The following UNC5D variants were observed in gnomAD, a reference collection of about 807,000 sequenced individuals.
UNC5D encodes the protein netrin receptor UNC5D.
UNC5D carries 39 observed loss-of-function variants against 105.4 expected under a neutral mutation model. The observed-to-expected ratio is 0.37, with a 90% confidence interval of 0.29 to 0.48. The LOEUF (loss-of-function observed/expected upper bound fraction) is 0.48. Ranked by LOEUF, UNC5D falls within the 20% of genes least tolerant of loss-of-function variation. UNC5D has a pLI of 0.98. For missense variants in UNC5D, 991 were observed against 1,202.4 expected, an observed-to-expected ratio of 0.82 and a Z score of 2.60; for synonymous variants, 452 against 450.4, an observed-to-expected ratio of 1.00 and a Z score of -0.04.
chr8:35,364,215 AT>A (rs751581344), intron 1 of UNC5D, among the ~76,000 whole-genome samples: 9 of 151,756 alleles, frequency 5.9e-5, no homozygotes, highest in Admixed American at 1.3e-4. Context: ...TTCTTTCTAT[AT>A]TTGTCACTTG....
intron 1 of UNC5D, among the ~76,000 whole-genome samples, chr8:35,335,857 G>A (rs995454283): frequency 7.4e-4 from 102 of 138,618 alleles, no homozygotes; most frequent in African/African-American, 2.6e-3. Context: ...TCCGCCTCCC[G>A]GGTTCATGCC....
At chr8:35,344,679 G>A (rs749307755) in intron 1 of UNC5D, among the ~76,000 whole-genome samples, 9 of 152,082 alleles carry the variant, frequency 5.9e-5, no homozygotes, top group East Asian at 1.9e-4. Context: ...CTACAGTCTC[G>A]TAAAGAGGTT....
intron 3 of UNC5D, among the ~76,000 whole-genome samples, chr8:35,584,952 A>C (rs1238305557): frequency 2.0e-5 from 3 of 152,202 alleles, no homozygotes; most frequent in African/African-American, 7.2e-5. Flanking sequence ...TTTTATAAAC[A>C]AAAGAGGCTG....
At chr8:35,703,007 C>T (rs1179823604) in intron 7 of UNC5D, among the ~76,000 whole-genome samples, 2 of 152,186 alleles carry the variant, frequency 1.3e-5, no homozygotes, top group East Asian at 3.9e-4. Flanking sequence ...AGCCTGCATT[C>T]TAGCCCCGCC....
At chr8:35,310,997 C>T (rs1428655573) in intron 1 of UNC5D, among the ~76,000 whole-genome samples, 2 of 152,096 alleles carry the variant, frequency 1.3e-5, no homozygotes, top group Non-Finnish European at 2.9e-5. Context: ...CCTAATTTGA[C>T]AAATAATTGC....
intron 4 of UNC5D, among the ~76,000 whole-genome samples, chr8:35,667,398 G>A (rs1824496610): frequency 6.6e-6 from 1 of 152,126 alleles, no homozygotes; most frequent in Non-Finnish European, 1.5e-5. Context: ...TTGTGGCAGA[G>A]GGAGAAAAAG....
chr8:35,404,991 T>C (rs149707862), intron 1 of UNC5D, among the ~76,000 whole-genome samples: 2 of 152,332 alleles, frequency 1.3e-5, no homozygotes, highest in Non-Finnish European at 2.9e-5. Flanking sequence ...CAATATTCTA[T>C]TCTTAACTAA....
intron 1 of UNC5D, among the ~76,000 whole-genome samples, chr8:35,343,965 TTGATGTGTCCTGTAC>T (rs1453526468): frequency 6.6e-6 from 1 of 152,120 alleles, no homozygotes; most frequent in Non-Finnish European, 1.5e-5. Flanking sequence ...CCTATCAAAA[TTGATGTGTCCTGTAC>T]TGATCAATGC....
chr8:35,715,656 G>T (rs988327107), intron 8 of UNC5D, among the ~76,000 whole-genome samples: 1 of 152,196 alleles, frequency 6.6e-6, no homozygotes, highest in African/African-American at 2.4e-5. Flanking sequence ...AGGATTTGGG[G>T]AGAGGTGATT....
Position 35,793,202 on chromosome 8 carries a change from G to A in UNC5D, c.*2639G>A. 4.4e-6 allele frequency: 2 copies of A among 455,406 alleles called. No individual in the cohort carries two copies. The highest frequency in any genetic ancestry group is 3.1e-5 in the South Asian group (2 of 64,274). 28.2% of individuals were successfully genotyped at this position (455,406 alleles called of 1,614,324 possible). A position where few individuals can be genotyped will look rare whatever the true frequency, so the allele number is the denominator to read the frequency against. On this transcript the variant is annotated 3_prime_UTR_variant, in exon 17 of 17. Transcript: ENST00000404895. ...TCTGTGGTCACTGCATGTCAGGATT[G>A]CACAGTATGTTACAATACAATTTCA...
intron 4 of UNC5D, among the ~76,000 whole-genome samples, chr8:35,604,482 T>G (rs1820134850): frequency 6.6e-6 from 1 of 152,180 alleles, no homozygotes; most frequent in African/African-American, 2.4e-5. Context: ...TAACATTTTT[T>G]CCTTCATTTC....
At chr8:35,645,527 CTGTGTG>C (rs374310163) in intron 4 of UNC5D, among the ~76,000 whole-genome samples, 15 of 145,382 alleles carry the variant, frequency 1.0e-4, no homozygotes, top group African/African-American at 3.3e-4. Flanking sequence ...TGTGTGTGTG[CTGTGTG>C]TGTGTGTGTG....
intron 1 of UNC5D, among the ~76,000 whole-genome samples, chr8:35,384,339 G>GT (rs1279345093): frequency 6.6e-6 from 1 of 152,156 alleles, no homozygotes; most frequent in African/African-American, 2.4e-5. Flanking sequence ...GGCTCAATGT[G>GT]TATGTGATTT....
chr8:35,376,051 T>G (rs1802683377), intron 1 of UNC5D, among the ~76,000 whole-genome samples: 2 of 152,204 alleles, frequency 1.3e-5, no homozygotes, highest in South Asian at 4.1e-4. Context: ...ATGTGTTTTT[T>G]GATCACATAC....
At chr8:35,717,024 T>C (rs1363851505) in intron 8 of UNC5D, among the ~76,000 whole-genome samples, 3 of 152,230 alleles carry the variant, frequency 2.0e-5, no homozygotes, top group African/African-American at 7.2e-5. Context: ...TCCATCTCCA[T>C]GGCTGGTTGC....
At chr8:35,526,272 T>C (rs928334735) in intron 1 of UNC5D, among the ~76,000 whole-genome samples, 1 of 152,206 alleles carries the variant, frequency 6.6e-6, no homozygotes, top group Non-Finnish European at 1.5e-5. Flanking sequence ...AAGGCTTGCA[T>C]TGTTCCCTGC....
intron 4 of UNC5D, among the ~76,000 whole-genome samples, chr8:35,619,083 A>T (rs989149506): frequency 1.3e-5 from 2 of 152,204 alleles, no homozygotes; most frequent in African/African-American, 4.8e-5. Flanking sequence ...AATAAATGAG[A>T]CATGGTCTGT....
intron 1 of UNC5D, among the ~76,000 whole-genome samples, chr8:35,394,523 CT>C (rs1262488802): frequency 2.0e-5 from 3 of 151,402 alleles, no homozygotes; most frequent in African/African-American, 7.3e-5. Context: ...ATTCTTGGGG[CT>C]TTTGCTTCCT....
chr8:35,737,965 G>C (rs146491534), intron 11 of UNC5D, among the ~76,000 whole-genome samples: 4,000 of 152,208 alleles, frequency 0.026, 65 homozygotes, highest in Middle Eastern at 0.048. Context: ...AATTAGCCGG[G>C]TGTGGTGGTG....
Sources: gnomAD v4.1 joint callset for allele counts (sites outside exome capture counted in the v4.1 genomes callset) on GRCh38, gnomAD v4.1.1 for gene constraint, MANE v1.5 for transcripts, NCBI Gene and HGNC (gene_info 2026-07-23, HGNC 2026-07-21) for gene names.